IQUB: variants seen among roughly 807,000 people sequenced by gnomAD.
IQUB encodes the protein IQ motif and ubiquitin-like domain-containing protein.
A neutral mutation model predicts 86.4 loss-of-function variants in IQUB; 86 were observed. The observed-to-expected ratio is 1.00, with a 90% confidence interval of 0.84 to 1.19. The LOEUF is 1.19. IQUB is among the 50% of genes most tolerant of loss of function. IQUB has a pLI of 0.00. For synonymous variants in IQUB, 289 were observed against 304.5 expected, an observed-to-expected ratio of 0.95 and a Z score of 0.53; for missense variants, 946 against 916.9, an observed-to-expected ratio of 1.03 and a Z score of -0.41.
intron 8 of IQUB, among the ~76,000 whole-genome samples, chr7:123,472,981 C>T (rs1283382371): frequency 6.6e-6 from 1 of 151,998 alleles, no homozygotes; most frequent in Non-Finnish European, 1.5e-5. Context: ...AAGAGAGAAA[C>T]AGAAGAACAG....
At chr7:123,512,444 T>A in intron 1 of IQUB, 100 bp from the exon 2 acceptor site, 1 of 617,028 alleles carries the variant, frequency 1.6e-6, no homozygotes, top group Non-Finnish European at 2.5e-6. Flanking sequence ...AATATTCAAC[T>A]AAAATGTTGC....
intron 8 of IQUB, among the ~76,000 whole-genome samples, chr7:123,474,740 G>A (rs1471171513): frequency 1.3e-5 from 2 of 152,188 alleles, no homozygotes; most frequent in African/African-American, 4.8e-5. Flanking sequence ...ATATTGTGGT[G>A]TGTTCTTCCT....
intron 7 of IQUB, among the ~76,000 whole-genome samples, chr7:123,491,635 T>A (rs138907634): frequency 6.6e-6 from 1 of 152,220 alleles, no homozygotes; most frequent in African/African-American, 2.4e-5. Flanking sequence ...GCTTACTCAA[T>A]GATAAATAAG....
chr7:123,464,657 G>GTGT (rs1315676826), intron 10 of IQUB, among the ~76,000 whole-genome samples, 176 bp downstream of exon 10: 1 of 151,888 alleles, frequency 6.6e-6, no homozygotes, highest in African/African-American at 2.4e-5. Context: ...TAAGTCAAAT[G>GTGT]AGTAAGTTTA....
At chr7:123,484,233 A>G (rs1795122341) in intron 7 of IQUB, among the ~76,000 whole-genome samples, 1 of 152,074 alleles carries the variant, frequency 6.6e-6, no homozygotes, top group African/African-American at 2.4e-5. Flanking sequence ...TTTAGCAAAA[A>G]GATTGTAAAT....
rs973642035 is a variant in IQUB at position 123,512,840 on chromosome 7, C to T, written c.-4-496G>A. Among the ~76,000 whole-genome samples the T allele has an allele frequency of 1.1e-4, 16 of 152,024 alleles. 1 individual carries two copies. Among genetic ancestry groups the T allele is most frequent in the Non-Finnish European group, 4.4e-5 (3 of 68,016 alleles). ...GTGACCTCTGCTCCCCCCAAATAAA[C>T]CTATTACAACAAATATGGATTGAGC... On this transcript the variant is annotated intron_variant, in intron 1 of 12. Coordinates refer to ENST00000324698, the MANE Select transcript of IQUB (RefSeq NM_178827.5).
Position 123,496,846 on chromosome 7 carries a change from T to C in IQUB, c.1084A>G (p.Arg362Gly). Residue 362 changes from arginine (R) to glycine (G), a missense_variant, in exon 7 of 13, where the codon AGA becomes GGA. Transcript: ENST00000324698. The stretch of plus-strand genomic sequence containing the variant: ...TCCAGTCTTAAGCTTTTCTGTCTTC[T>C]TAAATTCTCTACGAAGATTTTAGCA... ...WHAKIFVENL[R>G]RQKSLRLEWE... 1.2e-6 allele frequency: 2 copies of C among 1,612,810 alleles called. No homozygotes were observed. Among genetic ancestry groups the C allele is most frequent in the Non-Finnish European group, 8.5e-7 (1 of 1,179,420 alleles).
chr7:123,505,202 C>T (rs988912889), intron 3 of IQUB, among the ~76,000 whole-genome samples: 2 of 152,218 alleles, frequency 1.3e-5, no homozygotes, highest in African/African-American at 4.8e-5. Context: ...CCACAGGGCT[C>T]AGCTCGCATG....
At chr7:123,496,229 T>G (rs1310244063) in intron 7 of IQUB, among the ~76,000 whole-genome samples, 1 of 152,096 alleles carries the variant, frequency 6.6e-6, no homozygotes, top group Non-Finnish European at 1.5e-5. Flanking sequence ...AAAGTCAAGG[T>G]GTAGAGAATA....
intron 6 of IQUB, among the ~76,000 whole-genome samples, chr7:123,500,905 A>G (rs192373604): frequency 4.8e-4 from 73 of 152,030 alleles, no homozygotes; most frequent in Non-Finnish European, 9.1e-4. Flanking sequence ...TTCTTTCAAT[A>G]TCATTTTTTG....
intron 7 of IQUB, among the ~76,000 whole-genome samples, chr7:123,484,196 A>G (rs551354244): frequency 6.6e-6 from 1 of 152,052 alleles, no homozygotes; most frequent in African/African-American, 2.4e-5. Flanking sequence ...CAGCAAGAAG[A>G]TTTATAAATT....
At chr7:123,512,501 AAAG>A (rs1215738011) in intron 1 of IQUB, among the ~76,000 whole-genome samples, 157 bp from the exon 2 acceptor site, 1 of 152,240 alleles carries the variant, frequency 6.6e-6, no homozygotes, top group Non-Finnish European at 1.5e-5. Flanking sequence ...AGGTTAAAAA[AAAG>A]AACCTCAAAA....
chr7:123,526,612 T>C (rs1797225267), intron 1 of IQUB, among the ~76,000 whole-genome samples: 1 of 151,490 alleles, frequency 6.6e-6, no homozygotes, highest in Non-Finnish European at 1.5e-5. Context: ...GAGATGGGTT[T>C]CCTGAATACA....
Position 123,502,641 on chromosome 7 carries a change from T to C in IQUB, c.979A>G (p.Lys327Glu). 1 of 1,613,174 alleles carries C rather than the reference T, an allele frequency of 6.2e-7. No homozygotes were observed. Among genetic ancestry groups the C allele is most frequent in the Middle Eastern group, 1.7e-4 (1 of 6,058 alleles). The stretch of plus-strand genomic sequence containing the variant: ...TGGTATTCTGCTGCTGAAAAATACT[T>C]TCCTGGTGTTACCAGTTTATCAGTC... ...NMTDKLVTPG[K>E]YFSAAEYHAQ... is the part of the protein sequence containing the mutation. Residue 327 changes from lysine to glutamate, a missense_variant, in exon 6 of 13, where the codon AAG (lysine) becomes GAG (glutamate). Coordinates refer to ENST00000324698, the MANE Select transcript of IQUB (RefSeq NM_178827.5).
At chr7:123,474,101 T>C (rs1193527429) in intron 8 of IQUB, among the ~76,000 whole-genome samples, 1 of 152,116 alleles carries the variant, frequency 6.6e-6, no homozygotes, top group Non-Finnish European at 1.5e-5. Context: ...GAAAAAAGGA[T>C]TAAAAATAAA....
At chr7:123,500,992 A>T (rs1795919760) in intron 6 of IQUB, 1 of 152,196 alleles carries the variant, frequency 6.6e-6, no homozygotes, top group East Asian at 1.9e-4. Context: ...CTAAGATTGC[A>T]ATCTCATTGA....
chr7:123,480,022 T>C, intron 7 of IQUB, 52 bp from the exon 8 acceptor site: 1 of 1,340,092 alleles, frequency 7.5e-7, no homozygotes, highest in Non-Finnish European at 1.0e-6. Context: ...CCATCTTGAA[T>C]GATCACATCC....
At chr7:123,490,065 G>A (rs1661235022) in intron 7 of IQUB, among the ~76,000 whole-genome samples, 1 of 151,876 alleles carries the variant, frequency 6.6e-6, no homozygotes, top group Non-Finnish European at 1.5e-5. Context: ...CACATTAAAT[G>A]TAAATAGTCT....
intron 7 of IQUB, among the ~76,000 whole-genome samples, chr7:123,481,984 G>GA (rs910913955): frequency 6.6e-6 from 1 of 151,760 alleles, no homozygotes. Context: ...TGGCACACTT[G>GA]AAAAAAAGTG....
Sources: gnomAD v4.1 joint callset for allele counts (sites outside exome capture counted in the v4.1 genomes callset) on GRCh38, gnomAD v4.1.1 for gene constraint, MANE v1.5 for transcripts, NCBI Gene and HGNC (gene_info 2026-07-23, HGNC 2026-07-21) for gene names.